HMCN2: variants seen among roughly 807,000 people sequenced by gnomAD.
HMCN2 encodes the protein hemicentin-2.
HMCN2 carries 325 observed loss-of-function variants against 377.5 expected under a neutral mutation model. The ratio of observed to expected loss-of-function variants is 0.86; its 90% CI spans 0.79 to 0.94. HMCN2 has a LOEUF of 0.94. Among genes scored for constraint, HMCN2 ranks in the 40% least tolerant of loss-of-function variants. The pLI, the probability that HMCN2 is intolerant of heterozygous loss-of-function variation, is 0.00. For missense variants in HMCN2, 4,543 were observed against 4,725.3 expected (o/e 0.96, Z 1.13); for synonymous variants, 2,007 against 2,046.8 (o/e 0.98, Z 0.53).
chr9:130,279,999 C>T lies in HMCN2; in HGVS notation c.260-4604C>T, dbSNP rs114318427. On this transcript the variant is annotated intron_variant, in intron 1 of 97. Coordinates refer to ENST00000683500, the MANE Select transcript of HMCN2 (RefSeq NM_001291815.2). ...GAGAGAGACAGACGCCCTACTGCTG[C>T]TTTGAAGATGGAGGAAGGAGCCATG... is the stretch of plus-strand genomic sequence containing the variant. 1.8e-3 allele frequency among the ~76,000 whole-genome samples: 277 copies of T among 152,240 alleles called. 1 individual carries two copies. The highest frequency in any genetic ancestry group is 6.2e-3 in the African/African-American group (258 of 41,548).
At chr9:130,416,115 T>TA (rs1054025307) in intron 85 of HMCN2, among the ~76,000 whole-genome samples, 10 of 149,794 alleles carry the variant, frequency 6.7e-5, no homozygotes, top group African/African-American at 2.2e-4. Flanking sequence ...TTTTTTTTTT[T>TA]TTTTTTGGAG....
At chr9:130,358,679 T>C (rs929703444) in intron 36 of HMCN2, among the ~76,000 whole-genome samples, 193 bp downstream of exon 36, 1 of 101,856 alleles carries the variant, frequency 9.8e-6, no homozygotes, top group Non-Finnish European at 2.0e-5. Flanking sequence ...TTTGGCGGGA[T>C]TTTTTTTTTT....
At chr9:130,385,836 G>A in intron 60 of HMCN2, 74 bp downstream of exon 60, 1 of 1,064,990 alleles carries the variant, frequency 9.4e-7, no homozygotes, top group Non-Finnish European at 1.3e-6. Context: ...CGAGCTGCGG[G>A]GAGGAAGGTG....
chr9:130,403,956 T>A, intron 80 of HMCN2, 81 bp downstream of exon 80: 1 of 1,185,886 alleles, frequency 8.4e-7, no homozygotes, highest in Non-Finnish European at 1.1e-6. Flanking sequence ...CTTCTCTGCC[T>A]GGCAGGGCAC....
intron 4 of HMCN2, among the ~76,000 whole-genome samples, chr9:130,292,815 T>C (rs1835857980): frequency 6.6e-6 from 1 of 152,210 alleles, no homozygotes; most frequent in African/African-American, 2.4e-5. Flanking sequence ...GCTCACCTTA[T>C]AAATTGCCTG....
At chr9:130,302,607 C>CAA (rs1836579182) in intron 8 of HMCN2, among the ~76,000 whole-genome samples, 1 of 152,178 alleles carries the variant, frequency 6.6e-6, no homozygotes, top group East Asian at 1.9e-4. Flanking sequence ...ATGCCACACA[C>CAA]ATTGTGCCAT....
chr9:130,342,991 A>G (rs1839141835), intron 25 of HMCN2, among the ~76,000 whole-genome samples: 1 of 152,076 alleles, frequency 6.6e-6, no homozygotes, highest in Admixed American at 6.5e-5. Flanking sequence ...GACAGTTTCT[A>G]TCTCCTTTCG....
intron 60 of HMCN2, 129 bp from the exon 61 acceptor site, chr9:130,386,314 C>A: frequency 2.6e-6 from 1 of 391,794 alleles, no homozygotes; most frequent in Non-Finnish European, 4.6e-6. Context: ...CCTTTGGCTC[C>A]CCAGTCAGGA....
chr9:130,433,488 C>T lies in HMCN2; in HGVS notation c.15035C>T (p.Pro5012Leu), dbSNP rs534887345. 758 of 1,499,946 alleles carry T rather than the reference C, an allele frequency of 5.1e-4. 4 individuals carry two copies. In the African/African-American group the frequency reaches 9.7e-3, roughly 19 times the overall value. 92.9% of individuals were successfully genotyped at this position (1,499,946 alleles called of 1,614,324 possible). A position where few individuals can be genotyped will look rare whatever the true frequency, so the allele number is the denominator to read the frequency against. The part of the protein sequence containing the change: ...RLTAFSEVGV[P>L]ANRTELSMLE... ...ACCGCCTTCTCCGAGGTCGGCGTCC[C>T]CGCCAACCGCACCGAGCTCAGCATG... The change falls in exon 98 of 98, where the codon CCC (proline) becomes CTC (leucine). Residue 5012 changes from proline to leucine, a missense_variant. This residue lies in a region of HMCN2 where 1,155 missense variants were observed against 1,157.7 expected (regional missense o/e 1.00). Transcript: ENST00000683500.
intron 30 of HMCN2, among the ~76,000 whole-genome samples, chr9:130,352,067 C>T (rs1363813372): frequency 1.3e-5 from 2 of 152,198 alleles, no homozygotes; most frequent in African/African-American, 4.8e-5. Flanking sequence ...CTGCCTTGGC[C>T]TCCCAAAGTG....
In HMCN2 at chr9:130,270,431, G is replaced by C. The variant is rs142184633; in HGVS notation, c.259+4294G>C. Reference sequence around the variant, plus strand: ...TTTAAAAATTGGTAGGCTGGGCTCAGTGGCTCACACTTGTAATGCCAGTAC... The same window carrying C: ...TTTAAAAATTGGTAGGCTGGGCTCACTGGCTCACACTTGTAATGCCAGTAC... On this transcript the variant is annotated intron_variant, in intron 1 of 97. Coordinates refer to ENST00000683500, the MANE Select transcript of HMCN2 (RefSeq NM_001291815.2). 8.3e-3 allele frequency among the ~76,000 whole-genome samples: 1,225 copies of C among 147,802 alleles called. 50 individuals are homozygous for C. Among genetic ancestry groups the C allele is most frequent in the African/African-American group, 0.027 (1,126 of 41,152 alleles).
At chr9:130,295,102 A>C in intron 5 of HMCN2, 76 bp downstream of exon 5, 1 of 337,720 alleles carries the variant, frequency 3.0e-6, no homozygotes, top group Non-Finnish European at 6.2e-6. Flanking sequence ...ACAAAGAAAG[A>C]GACCAAGGGT....
At chr9:130,412,729 A>G (rs939601984) in intron 85 of HMCN2, among the ~76,000 whole-genome samples, 2 of 151,894 alleles carry the variant, frequency 1.3e-5, no homozygotes, top group Non-Finnish European at 2.9e-5. Context: ...GGCACGCACC[A>G]CCACACCCGA....
At chr9:130,284,503 T>A (rs575783920) in intron 1 of HMCN2, 100 bp from the exon 2 acceptor site, 1 of 446,994 alleles carries the variant, frequency 2.2e-6, no homozygotes, top group African/African-American at 2.0e-5. Flanking sequence ...CAGCCTCAGC[T>A]CCTCTGAACA....
chr9:130,277,694 T>TCACCAC (rs1210119993), intron 1 of HMCN2, among the ~76,000 whole-genome samples: 1 of 148,934 alleles, frequency 6.7e-6, no homozygotes. Context: ...ACCATCATCA[T>TCACCAC]CACCACCACC....
chr9:130,429,502 G>T, intron 93 of HMCN2, 55 bp from the exon 94 acceptor site: 1 of 1,546,958 alleles, frequency 6.5e-7, no homozygotes. Context: ...CCGTCCCTTG[G>T]GGGAGGGGCC....
rs964407784 is a variant in HMCN2, at chr9:130,328,871, G to A, written c.3359+1396G>A. ...ATGTGCTGAAAACTCGCTCCCTTTC[G>A]TATGATTTCCCTGCTGTTGCTGTTC... On this transcript the variant is annotated intron_variant, in intron 22 of 97. Transcript: ENST00000683500. Among the ~76,000 whole-genome samples the A allele has an allele frequency of 7.3e-3, 1,119 of 152,272 alleles. 8 individuals are homozygous for A. Among genetic ancestry groups the A allele is most frequent in the Middle Eastern group, 0.014 (4 of 294 alleles).
In HMCN2 at chr9:130,379,484, T is replaced by G. The variant is rs1841583336; in HGVS notation, c.8431+17T>G. On this transcript the variant is annotated intron_variant, in intron 54 of 97. Coordinates refer to ENST00000683500, the MANE Select transcript of HMCN2 (RefSeq NM_001291815.2). ...TGCTGCAAGGTGGGTCAGGGGTGCG[T>G]GAAGAAAGTGGGCGCTTTGAGCTCT... is the stretch of plus-strand genomic sequence containing the variant. 1.0e-6 allele frequency: 1 copy of G among 981,772 alleles called. No homozygotes were observed. Among genetic ancestry groups the G allele is most frequent in the South Asian group, 4.7e-5 (1 of 21,192 alleles). 60.8% of individuals were successfully genotyped at this position (981,772 alleles called of 1,614,324 possible). A position where few individuals can be genotyped will look rare whatever the true frequency, so the allele number is the denominator to read the frequency against.
rs1338178328 is a variant in HMCN2, at chr9:130,433,387, C to T, written c.14934C>T (p.Gly4978=). The change falls in exon 98 of 98, where the codon GGC becomes GGT. Residue 4978 remains glycine, a synonymous_variant. Transcript: ENST00000683500. The part of the protein sequence containing the change: ...FRRCSQDCGT[G]GPSTLQYRLL... ...GCTGCTCGCAGGACTGCGGCACGGG[C>T]GGCCCCTCTACGCTGCAGTACCGGC... 1 of 1,483,340 alleles carries T rather than the reference C, an allele frequency of 6.7e-7. No individual in the cohort carries two copies. The allele number at this position is 1,483,340 out of a possible 1,614,324, so 91.9% of individuals were successfully genotyped here.
Sources: allele counts gnomAD v4.1 joint callset (sites outside exome capture counted in the v4.1 genomes callset), GRCh38; gene constraint gnomAD v4.1.1; regional missense constraint gnomAD v4.1.1; transcripts MANE v1.5; gene names NCBI Gene and HGNC (gene_info 2026-07-23, HGNC 2026-07-21).